CFAP54: variants seen among roughly 807,000 people sequenced by gnomAD.
The protein encoded by CFAP54 is cilia and flagella associated protein 54.
CFAP54 carries 290 observed loss-of-function variants against 370.4 expected under a neutral mutation model. The ratio of observed to expected loss-of-function variants is 0.78; its 90% CI spans 0.71 to 0.86. The LOEUF (loss-of-function observed/expected upper bound fraction) is 0.86, where lower values mean the gene tolerates loss of function less well. Among genes scored for constraint, CFAP54 ranks in the 40% least tolerant of loss-of-function variants. The pLI is 0.00. For synonymous variants in CFAP54, 1,206 were observed against 1,236.5 expected, an observed-to-expected ratio of 0.98 and a Z score of 0.52; for missense variants, 3,399 against 3,528.7, an observed-to-expected ratio of 0.96 and a Z score of 0.93.
At position 96,644,370 on chromosome 12, in the gene CFAP54, T is replaced by A; in HGVS notation, c.4509T>A (p.Cys1503Ter). 6.5e-7 allele frequency: 1 copy of A among 1,535,888 alleles called. No individual in the cohort carries two copies. Reference protein sequence around the residue: ...FNLVLQKLWECTKMKFGTSHM... With the variant: ...FNLVLQKLWE ...TGGTTTTACAAAAGCTATGGGAGTG[T>A]ACGAAGATGAAATTTGGCACATCAC... Residue 1503 changes from cysteine (C) to a stop codon, truncating the protein, a stop_gained, in exon 33 of 68, where the codon TGT (cysteine) becomes TGA (stop). Coordinates refer to ENST00000524981, the MANE Select transcript of CFAP54 (RefSeq NM_001306084.2). LOFTEE classifies it high-confidence loss of function.
At chr12:96,707,585 T>A (rs764874132) in intron 47 of CFAP54, among the ~76,000 whole-genome samples, 12 of 152,018 alleles carry the variant, frequency 7.9e-5, no homozygotes, top group Non-Finnish European at 1.2e-4. Flanking sequence ...TTTGGGTTAT[T>A]AAAATGGAGG....
chr12:96,547,248 T>A (rs972499671), intron 14 of CFAP54, among the ~76,000 whole-genome samples: 3 of 152,198 alleles, frequency 2.0e-5, no homozygotes, highest in Admixed American at 1.3e-4. Flanking sequence ...TGCAGTGGCA[T>A]GATCTTCGCT....
At chr12:96,755,921 C>T (rs1381002235) in intron 56 of CFAP54, among the ~76,000 whole-genome samples, 1 of 151,228 alleles carries the variant, frequency 6.6e-6, no homozygotes, top group Non-Finnish European at 1.5e-5. Flanking sequence ...CCTCCTCAGC[C>T]TCCCAAAGTG....
At chr12:96,840,622 C>CTTTTTTTTTTTTTTTTTTTTTT (rs1491169613) in intron 66 of CFAP54, among the ~76,000 whole-genome samples, 1 of 67,026 alleles carries the variant, frequency 1.5e-5, no homozygotes, top group African/African-American at 3.8e-5. Flanking sequence ...TTCTCTGTTT[C>CTTTTTTTTTTTTTTTTTTTTTT]TTTCTTTTTT....
chr12:96,545,698 C>T (rs1955633625), intron 14 of CFAP54, among the ~76,000 whole-genome samples: 1 of 152,166 alleles, frequency 6.6e-6, no homozygotes, highest in Admixed American at 6.5e-5. Context: ...GACAAATATT[C>T]AAATCATAGC....
intron 60 of CFAP54, among the ~76,000 whole-genome samples, chr12:96,779,989 G>A (rs1055852033): frequency 6.6e-6 from 1 of 151,998 alleles, no homozygotes; most frequent in Non-Finnish European, 1.5e-5. Context: ...CATAGTTTTT[G>A]GGGGTGAACT....
chr12:96,870,635 C>T (rs181123273), intron 67 of CFAP54, among the ~76,000 whole-genome samples: 14 of 152,232 alleles, frequency 9.2e-5, no homozygotes, highest in East Asian at 1.9e-4. Flanking sequence ...GGGGGAAGTT[C>T]GTTTCTGTCT....
chr12:96,597,476 T>C (rs996981054), intron 25 of CFAP54, among the ~76,000 whole-genome samples: 4 of 152,010 alleles, frequency 2.6e-5, no homozygotes, highest in Non-Finnish European at 4.4e-5. Context: ...TGTGACATTC[T>C]TGGTGTTGGC....
intron 66 of CFAP54, among the ~76,000 whole-genome samples, chr12:96,836,749 G>A (rs1178580555): frequency 2.6e-5 from 4 of 152,114 alleles, no homozygotes; most frequent in African/African-American, 4.8e-5. Context: ...ACATTATCAA[G>A]TACATTATTA....
At chr12:96,679,881 C>A in intron 40 of CFAP54, 129 bp downstream of exon 40, 2 of 892,402 alleles carry the variant, frequency 2.2e-6, no homozygotes, top group Non-Finnish European at 3.4e-6. Flanking sequence ...CTTTCACTTT[C>A]CTCTTGTCCA....
chr12:96,688,065 A>T (rs1219267666), intron 42 of CFAP54, among the ~76,000 whole-genome samples: 1 of 152,166 alleles, frequency 6.6e-6, no homozygotes, highest in Non-Finnish European at 1.5e-5. Flanking sequence ...GAAGATCCAC[A>T]CAGTGAAGCT....
intron 15 of CFAP54, among the ~76,000 whole-genome samples, chr12:96,551,511 G>GTA (rs1412672011): frequency 6.7e-6 from 1 of 150,188 alleles, no homozygotes; most frequent in African/African-American, 2.4e-5. Context: ...GTGTGTGTGT[G>GTA]TGTGTGTGTG....
chr12:96,504,175 G>A, intron 3 of CFAP54, 146 bp downstream of exon 3: 1 of 695,156 alleles, frequency 1.4e-6, no homozygotes, highest in Non-Finnish European at 2.1e-6. Context: ...TTTCAGTGCT[G>A]GATAAGAAAG....
chr12:96,657,256 C>G (rs996852558), intron 36 of CFAP54, among the ~76,000 whole-genome samples: 1 of 152,184 alleles, frequency 6.6e-6, no homozygotes, highest in Non-Finnish European at 1.5e-5. Flanking sequence ...ATAGGACATG[C>G]ACACTATTGG....
intron 65 of CFAP54, among the ~76,000 whole-genome samples, chr12:96,825,276 T>TTATATATAATATAA (rs1279446831): frequency 7.7e-6 from 1 of 129,590 alleles, no homozygotes; most frequent in African/African-American, 3.0e-5. Context: ...ATATAACATG[T>TTATATATAATATAA]TATATTATAT....
intron 59 of CFAP54, among the ~76,000 whole-genome samples, 192 bp downstream of exon 59, chr12:96,764,441 A>T (rs1278162694): frequency 1.3e-5 from 2 of 152,104 alleles, no homozygotes; most frequent in Admixed American, 1.3e-4. Context: ...TGGACAACAT[A>T]GCAAGAGCCC....
chr12:96,644,319 G>C lies in CFAP54; in HGVS notation c.4458G>C (p.Leu1486=). Residue 1486 remains leucine (L), a synonymous_variant, in exon 33 of 68, where the codon CTG becomes CTC. Transcript: ENST00000524981. ...EEMPWRAQMN[L]YLAGAHFNLV... ...TGCCCTGGAGAGCTCAGATGAACCT[G>C]TATCTAGCAGGTGCACACTTTAACC... is the stretch of plus-strand genomic sequence containing the variant. 6.5e-7 allele frequency: 1 copy of C among 1,536,004 alleles called. No individual in the cohort carries two copies. The highest frequency in any genetic ancestry group is 8.7e-7 in the Non-Finnish European group (1 of 1,146,814).
chr12:96,646,257 A>G (rs1164704374), intron 33 of CFAP54: 1 of 152,238 alleles, frequency 6.6e-6, no homozygotes, highest in Non-Finnish European at 1.5e-5. Context: ...ATTTACAAGA[A>G]AAAAACAACC....
chr12:96,741,563 G>T (rs1958052021), intron 51 of CFAP54, among the ~76,000 whole-genome samples: 1 of 152,084 alleles, frequency 6.6e-6, no homozygotes, highest in Non-Finnish European at 1.5e-5. Flanking sequence ...GCTACTCCTG[G>T]CTAGCACATG....
Sources: gnomAD v4.1 joint callset for allele counts (sites outside exome capture counted in the v4.1 genomes callset) on GRCh38, gnomAD v4.1.1 for gene constraint, MANE v1.5 for transcripts, NCBI Gene and HGNC (gene_info 2026-07-23, HGNC 2026-07-21) for gene names.